The following CSMD1 variants were observed in gnomAD, a reference collection of about 807,000 sequenced individuals.
The protein encoded by CSMD1 is CUB and sushi domain-containing protein 1.
Under a neutral mutation model 417.5 loss-of-function variants are expected in CSMD1, and 213 were observed. That is an observed-to-expected ratio of 0.51 (90% confidence interval 0.46 to 0.57). CSMD1 has a LOEUF of 0.57. CSMD1 is among the 20% of genes least tolerant of loss of function. The pLI is 0.00. For synonymous variants in CSMD1, 2,862 were observed against 1,736.8 expected (o/e 1.65, Z -16.11); for missense variants, 6,923 against 4,529.7 (o/e 1.53, Z -15.17).
At chr8:4,311,859 T>A (rs765293435) in intron 3 of CSMD1, among the ~76,000 whole-genome samples, 3 of 151,958 alleles carry the variant, frequency 2.0e-5, no homozygotes, top group East Asian at 1.9e-4. Flanking sequence ...CACTGTTAGG[T>A]ACTGGGTATA....
rs993061776 is a variant in CSMD1, at chr8:4,486,174, T to C, written c.303-66109A>G. 9.0e-3 allele frequency among the ~76,000 whole-genome samples: 157 copies of C among 17,396 alleles called. 2 individuals carry two copies. Among genetic ancestry groups the C allele is most frequent in the African/African-American group, 0.046 (131 of 2,864 alleles). 11.4% of individuals were successfully genotyped at this position (17,396 alleles called of 152,430 possible). A position where few individuals can be genotyped will look rare whatever the true frequency, so the allele number is the denominator to read the frequency against. On this transcript the variant is annotated intron_variant, in intron 2 of 69. Coordinates refer to ENST00000635120, the MANE Select transcript of CSMD1 (RefSeq NM_033225.6). ...ATATATATACATACATATATATATA[T>C]ACATACATATATATATATATATATA...
chr8:4,274,860 T>G (rs1369599588), intron 3 of CSMD1, among the ~76,000 whole-genome samples: 2 of 152,138 alleles, frequency 1.3e-5, no homozygotes, highest in Non-Finnish European at 2.9e-5. Context: ...TTTTATTTTT[T>G]CCCAGACTCA....
intron 1 of CSMD1, among the ~76,000 whole-genome samples, chr8:4,682,390 G>C (rs2897715): frequency 6.6e-6 from 1 of 151,934 alleles, no homozygotes; most frequent in Non-Finnish European, 1.5e-5. Flanking sequence ...TTGTGTATCT[G>C]TGTCCTCAGG....
chr8:4,297,702 T>C (rs189470311), intron 3 of CSMD1, among the ~76,000 whole-genome samples: 2 of 152,298 alleles, frequency 1.3e-5, no homozygotes, highest in African/African-American at 2.4e-5. Context: ...CCCGGAGCCA[T>C]CGGTGATCGC....
intron 52 of CSMD1, among the ~76,000 whole-genome samples, chr8:3,012,716 C>G (rs867398637): frequency 6.6e-6 from 1 of 152,180 alleles, no homozygotes; most frequent in Non-Finnish European, 1.5e-5. Flanking sequence ...GGAAGATCCA[C>G]CTGTTTAAAA....
At chr8:2,966,040 C>A (rs1056058580) in intron 58 of CSMD1, 86 bp from the exon 59 acceptor site, 5 of 1,222,738 alleles carry the variant, frequency 4.1e-6, no homozygotes, top group African/African-American at 3.0e-5. Flanking sequence ...GATACTCTCT[C>A]TGAGTTGCTA....
intron 3 of CSMD1, among the ~76,000 whole-genome samples, chr8:4,363,992 TTGAC>T (rs1230538675): frequency 6.6e-6 from 1 of 152,056 alleles, no homozygotes; most frequent in Non-Finnish European, 1.5e-5. Flanking sequence ...GCATAACAGG[TTGAC>T]TGACTGTAGT....
chr8:3,981,346 A>T (rs538858687), intron 5 of CSMD1, among the ~76,000 whole-genome samples: 1 of 152,200 alleles, frequency 6.6e-6, no homozygotes, highest in African/African-American at 2.4e-5. Context: ...ACTTCAGGGG[A>T]AGAGTGGAAG....
chr8:4,750,260 G>T (rs1481556660), intron 1 of CSMD1, among the ~76,000 whole-genome samples: 1 of 151,854 alleles, frequency 6.6e-6, no homozygotes, highest in East Asian at 1.9e-4. Context: ...GCCCGCCTCG[G>T]CCTCCCACAG....
intron 1 of CSMD1, among the ~76,000 whole-genome samples, chr8:4,915,268 A>C (rs1805973449): frequency 6.6e-6 from 1 of 152,168 alleles, no homozygotes; most frequent in Non-Finnish European, 1.5e-5. Flanking sequence ...CAAATACTCC[A>C]ATTCATAGGC....
intron 1 of CSMD1, among the ~76,000 whole-genome samples, chr8:4,924,428 G>A (rs921893812): frequency 6.6e-6 from 1 of 151,994 alleles, no homozygotes; most frequent in Admixed American, 6.6e-5. Flanking sequence ...GTAAACATAA[G>A]TATAAAACCT....
intron 5 of CSMD1, among the ~76,000 whole-genome samples, chr8:3,846,462 C>A (rs954479094): frequency 6.6e-6 from 1 of 152,182 alleles, no homozygotes; most frequent in Admixed American, 6.5e-5. Flanking sequence ...CTCAAAATAA[C>A]CTTCCTCTCA....
intron 1 of CSMD1, among the ~76,000 whole-genome samples, chr8:4,781,974 G>C (rs1035124799): frequency 1.3e-5 from 2 of 152,112 alleles, no homozygotes; most frequent in African/African-American, 4.8e-5. Context: ...AATAAACTCT[G>C]ACTTCATTTC....
At chr8:3,409,334 T>C in intron 13 of CSMD1, 89 bp downstream of exon 13, 1 of 1,270,400 alleles carries the variant, frequency 7.9e-7, no homozygotes, top group Non-Finnish European at 1.0e-6. Context: ...CTGCCCTCCC[T>C]AAATGGGCGG....
chr8:3,529,068 C>A (rs948731768), intron 10 of CSMD1, among the ~76,000 whole-genome samples: 1 of 152,162 alleles, frequency 6.6e-6, no homozygotes, highest in Non-Finnish European at 1.5e-5. Context: ...AGCTGTAACA[C>A]AGACACTTTC....
intron 1 of CSMD1, among the ~76,000 whole-genome samples, chr8:4,783,702 T>C (rs1797268445): frequency 6.6e-6 from 1 of 152,128 alleles, no homozygotes; most frequent in African/African-American, 2.4e-5. Flanking sequence ...AGGGTGTCAA[T>C]TATTCATCCT....
intron 8 of CSMD1, among the ~76,000 whole-genome samples, chr8:3,602,018 T>C (rs895247555): frequency 2.6e-5 from 4 of 152,132 alleles, no homozygotes; most frequent in African/African-American, 4.8e-5. Flanking sequence ...TATGGCTTTA[T>C]GGGTATGGAG....
At chr8:4,308,492 C>G (rs967477187) in intron 3 of CSMD1, among the ~76,000 whole-genome samples, 1 of 152,144 alleles carries the variant, frequency 6.6e-6, no homozygotes, top group Non-Finnish European at 1.5e-5. Flanking sequence ...TGAAACACGG[C>G]AAAAGGCCAT....
chr8:3,470,291 T>A (rs1055893918), intron 11 of CSMD1, among the ~76,000 whole-genome samples: 2 of 152,248 alleles, frequency 1.3e-5, no homozygotes, highest in Admixed American at 1.3e-4. Context: ...AATTTCTACA[T>A]AGAATTTATA....
Sources: gnomAD v4.1 joint callset for allele counts (sites outside exome capture counted in the v4.1 genomes callset) on GRCh38, gnomAD v4.1.1 for gene constraint, MANE v1.5 for transcripts, NCBI Gene and HGNC (gene_info 2026-07-23, HGNC 2026-07-21) for gene names.